The following TBK1 variants were observed in gnomAD, a reference collection of about 807,000 sequenced individuals.
TBK1 encodes the protein serine/threonine-protein kinase TBK1.
Under a neutral mutation model 99.9 loss-of-function variants are expected in TBK1, and 37 were observed. That is an observed-to-expected ratio of 0.37 (90% confidence interval 0.28 to 0.49). The LOEUF is 0.49. TBK1 is among the 20% of genes least tolerant of loss of function. The pLI, the probability that TBK1 is intolerant of heterozygous loss-of-function variation, is 0.98. For missense variants in TBK1, 644 were observed against 872.5 expected (o/e 0.74, Z 3.30); for synonymous variants, 258 against 279.8 (o/e 0.92, Z 0.78).
intron 13 of TBK1, 30 bp from the exon 14 acceptor site, chr12:64,495,453 A>G: frequency 6.2e-7 from 1 of 1,608,312 alleles, no homozygotes; most frequent in Non-Finnish European, 8.5e-7. Flanking sequence ...GCTTTTGGCA[A>G]TCTGGATCTG....
At chr12:64,481,124 T>G (rs1164635055) in intron 7 of TBK1, among the ~76,000 whole-genome samples, 1 of 152,168 alleles carries the variant, frequency 6.6e-6, no homozygotes, top group African/African-American at 2.4e-5. Context: ...GAGTAGAAAT[T>G]TAATATTATA....
intron 3 of TBK1, among the ~76,000 whole-genome samples, chr12:64,461,677 T>C (rs1054800242): frequency 6.6e-6 from 1 of 152,190 alleles, no homozygotes; most frequent in African/African-American, 2.4e-5. Flanking sequence ...CAAAGGAGTT[T>C]GGCAAACTGC....
intron 1 of TBK1, 78 bp from the exon 2 acceptor site, chr12:64,455,762 G>A (rs1160146553): frequency 2.9e-6 from 2 of 698,778 alleles, no homozygotes; most frequent in Non-Finnish European, 2.5e-6. Context: ...TCTTACTTGA[G>A]ACTAAAAACA....
intron 1 of TBK1, among the ~76,000 whole-genome samples, chr12:64,453,168 T>C (rs2040446334): frequency 6.6e-6 from 1 of 152,220 alleles, no homozygotes. Flanking sequence ...TAACATGTTA[T>C]TGTGGAGTTA....
chr12:64,483,828 G>A (rs879361538), intron 8 of TBK1, among the ~76,000 whole-genome samples: 5 of 152,120 alleles, frequency 3.3e-5, no homozygotes, highest in Non-Finnish European at 7.4e-5. Context: ...CCAGCATGGC[G>A]TAACCCTGTC....
At chr12:64,485,828 C>A in intron 10 of TBK1, 98 bp from the exon 11 acceptor site, 2 of 778,408 alleles carry the variant, frequency 2.6e-6, no homozygotes, top group South Asian at 2.8e-5. Flanking sequence ...TTTAATTAAC[C>A]TGATAAAAAT....
At chr12:64,501,244 C>A in intron 20 of TBK1, 86 bp from the exon 21 acceptor site, 1 of 1,264,316 alleles carries the variant, frequency 7.9e-7, no homozygotes, top group Non-Finnish European at 1.1e-6. Context: ...CTATTTATTC[C>A]TCTGAAAAGT....
Position 64,501,782 on chromosome 12 carries a change from TG to T in TBK1, c.*403del, listed in dbSNP as rs2136092684. The stretch of plus-strand genomic sequence containing the variant: ...AAGACTGACTTGACACGTTTGTAAA[TG>T]GTAGAACGGTGGCTACTGTGAGTGG... On this transcript the variant is annotated 3_prime_UTR_variant, in exon 21 of 21. Transcript: ENST00000331710. The T allele has an allele frequency of 5.9e-6, 1 of 168,674 alleles. No individual in the cohort carries two copies. Among genetic ancestry groups the T allele is most frequent in the Non-Finnish European group, 1.3e-5 (1 of 78,778 alleles). 10.4% of individuals were successfully genotyped at this position (168,674 alleles called of 1,614,324 possible).
chr12:64,497,092 A>C, intron 17 of TBK1, 42 bp downstream of exon 17: 5 of 1,581,706 alleles, frequency 3.2e-6, no homozygotes, highest in Non-Finnish European at 4.3e-6. Flanking sequence ...TTGACTGCAC[A>C]ATATAAATGT....
At position 64,485,492 on chromosome 12, in the gene TBK1, CG is replaced by C; in HGVS notation, c.1231del (p.Asp411MetfsTer8). ...PKVHPRYDLD[G>X]DASMAKAITG... is the part of the protein sequence containing the mutation. ...AAGTACATCCACGTTATGATTTAGA[CG>C]GGGATGCTAGCATGGCTAAGGTTAG... is the stretch of plus-strand genomic sequence containing the variant. On this transcript the variant is annotated frameshift_variant, in exon 10 of 21. Transcript: ENST00000331710. LOFTEE classifies it high-confidence loss of function. 1 of 1,556,670 alleles carries C rather than the reference CG, an allele frequency of 6.4e-7. No homozygotes were observed. The highest frequency in any genetic ancestry group is 8.8e-7 in the Non-Finnish European group (1 of 1,140,030).
At chr12:64,490,155 A>G (rs773663003) in intron 13 of TBK1, 36 bp downstream of exon 13, 4 of 1,447,156 alleles carry the variant, frequency 2.8e-6, no homozygotes, top group East Asian at 2.3e-5. Flanking sequence ...TTGTAAGCTC[A>G]TAACCTATTC....
chr12:64,481,035 T>G (rs147948463), intron 7 of TBK1, among the ~76,000 whole-genome samples: 7 of 152,326 alleles, frequency 4.6e-5, no homozygotes, highest in African/African-American at 1.4e-4. Context: ...TAACAGTTTT[T>G]TGTGTGTGTT....
chr12:64,480,893 A>G (rs2136075266), intron 7 of TBK1, among the ~76,000 whole-genome samples: 1 of 152,202 alleles, frequency 6.6e-6, no homozygotes, highest in East Asian at 1.9e-4. Flanking sequence ...TGCTTTTTGT[A>G]TGACTTTAAA....
intron 4 of TBK1, 139 bp downstream of exon 4, chr12:64,464,602 A>G (rs1481471398): frequency 9.5e-6 from 6 of 633,324 alleles, no homozygotes; most frequent in African/African-American, 9.3e-5. Context: ...AATACCAGAA[A>G]TACATAAATT....
rs775604957 is a variant in TBK1, at chr12:64,501,359, T to G, written c.2168T>G (p.Leu723Arg). ...GGCTCTTTAACCATGGATGGTGGCC[T>G]TCGCAACGTTGACTGTCTTTAGCTT... is the stretch of plus-strand genomic sequence containing the variant. ...RFGSLTMDGG[L>R]RNVDCL Residue 723 changes from leucine (L) to arginine (R), a missense_variant, in exon 21 of 21, where the codon CTT becomes CGT. Coordinates refer to ENST00000331710, the MANE Select transcript of TBK1 (RefSeq NM_013254.4). The G allele has an allele frequency of 6.2e-7, 1 of 1,614,050 alleles. No homozygotes were observed. The highest frequency in any genetic ancestry group is 8.5e-7 in the Non-Finnish European group (1 of 1,179,982).
intron 1 of TBK1, among the ~76,000 whole-genome samples, chr12:64,454,698 A>G (rs1236995085): frequency 4.2e-5 from 4 of 95,670 alleles, no homozygotes; most frequent in African/African-American, 8.3e-5. Context: ...TTTTTTTGAG[A>G]CGGAGTCTCG....
At chr12:64,484,606 G>C in intron 9 of TBK1, 107 bp downstream of exon 9, 1 of 1,052,124 alleles carries the variant, frequency 9.5e-7, no homozygotes, top group Non-Finnish European at 1.3e-6. Context: ...ACAAAAATTA[G>C]TGGGGCATGG....
chr12:64,485,334 G>A lies in TBK1; in HGVS notation c.1190-121G>A, dbSNP rs369979934. The A allele has an allele frequency of 2.9e-4, 133 of 461,232 alleles. 1 individual carries two copies. The East Asian group carries it at 3.4e-3, about 12-fold the overall frequency. The allele number at this position is 461,232 out of a possible 1,614,324, so 28.6% of individuals were successfully genotyped here. On this transcript the variant is annotated intron_variant, in intron 9 of 20. Coordinates refer to ENST00000331710, the MANE Select transcript of TBK1 (RefSeq NM_013254.4). ...TTTGAAGTGGTGTTTTTTTAATCAC[G>A]AAAACTACATTACAGATTTTGCCAC...
intron 5 of TBK1, among the ~76,000 whole-genome samples, chr12:64,467,434 A>G (rs1163041683): frequency 6.6e-6 from 1 of 152,200 alleles, no homozygotes; most frequent in Admixed American, 6.5e-5. Flanking sequence ...AGATAATTCT[A>G]TTTGGGGGAG....
Sources: gnomAD v4.1 joint callset for allele counts (sites outside exome capture counted in the v4.1 genomes callset) on GRCh38, gnomAD v4.1.1 for gene constraint, MANE v1.5 for transcripts, NCBI Gene and HGNC (gene_info 2026-07-23, HGNC 2026-07-21) for gene names.